Variants in AHSA1 observed in about 807,000 individuals in gnomAD.
AHSA1 encodes the protein activator of 90 kDa heat shock protein ATPase homolog 1.
Under a neutral mutation model 46.1 loss-of-function variants are expected in AHSA1, and 14 were observed. The ratio of observed to expected loss-of-function variants is 0.30; its 90% CI spans 0.20 to 0.47. AHSA1 has a LOEUF of 0.47. Among genes scored for constraint, AHSA1 ranks in the 20% least tolerant of loss-of-function variants. The pLI, the probability that AHSA1 is intolerant of heterozygous loss-of-function variation, is 0.99. For missense variants in AHSA1, 333 were observed against 415.9 expected (o/e 0.80, Z 1.73); for synonymous variants, 147 against 145.8 (o/e 1.01, Z -0.06).
At chr14:77,458,799 G>T (rs1394745341) in intron 1 of AHSA1, among the ~76,000 whole-genome samples, 1 of 152,218 alleles carries the variant, frequency 6.6e-6, no homozygotes, top group East Asian at 1.9e-4. Flanking sequence ...ATCAGGTCGG[G>T]TGTGTTGGAA....
chr14:77,459,716 G>A lies in AHSA1; in HGVS notation c.181G>A (p.Val61Met). 1 of 1,614,230 alleles carries A rather than the reference G, an allele frequency of 6.2e-7. No individual in the cohort carries two copies. The highest frequency in any genetic ancestry group is 8.5e-7 in the Non-Finnish European group (1 of 1,180,038). ...NEEGKCEVTE[V>M]SKLDGEASIN... Reference sequence around the variant, plus strand: ...AGAAGGCAAGTGTGAGGTGACGGAAGTGAGTAAGCTTGATGGAGAGGCATC... The same window carrying A: ...AGAAGGCAAGTGTGAGGTGACGGAAATGAGTAAGCTTGATGGAGAGGCATC... The change falls in exon 2 of 9, where the codon GTG (valine) becomes ATG (methionine). Residue 61 changes from valine (V) to methionine (M), a missense_variant. By Grantham distance (21) the Val-to-Met change is conservative (BLOSUM62 1). Coordinates refer to ENST00000216479, the MANE Select transcript of AHSA1 (RefSeq NM_012111.3).
chr14:77,460,611 G>C (rs1295285422), intron 2 of AHSA1, among the ~76,000 whole-genome samples: 1 of 149,728 alleles, frequency 6.7e-6, no homozygotes, highest in Non-Finnish European at 1.5e-5. Flanking sequence ...CGTCACCCAG[G>C]CTGGAGTGCA....
At chr14:77,468,302 T>A in intron 7 of AHSA1, 118 bp downstream of exon 7, 1 of 1,123,794 alleles carries the variant, frequency 8.9e-7, no homozygotes, top group Non-Finnish European at 1.3e-6. Context: ...TAATAAAACA[T>A]TTTGTTTTTC....
intron 6 of AHSA1, chr14:77,466,369 T>G (rs1420113242): frequency 1.3e-5 from 2 of 156,524 alleles, no homozygotes; most frequent in Non-Finnish European, 2.8e-5. Context: ...GAAGAATTCC[T>G]GGCTTCTTTG....
chr14:77,464,054 G>A (rs2079037588), intron 4 of AHSA1, among the ~76,000 whole-genome samples: 1 of 152,232 alleles, frequency 6.6e-6, no homozygotes, highest in South Asian at 2.1e-4. Context: ...ATGTTATAAT[G>A]TTTCCAGTTG....
chr14:77,465,435 G>A, intron 5 of AHSA1, 104 bp from the exon 6 acceptor site: 1 of 1,336,606 alleles, frequency 7.5e-7, no homozygotes, highest in Non-Finnish European at 1.0e-6. Context: ...ACCCTTGGAG[G>A]TGAACATTTT....
At chr14:77,458,440 G>T (rs1050671157) in intron 1 of AHSA1, among the ~76,000 whole-genome samples, 171 bp downstream of exon 1, 1 of 152,154 alleles carries the variant, frequency 6.6e-6, no homozygotes, top group Non-Finnish European at 1.5e-5. Context: ...TCCACTCCGC[G>T]GTCACCTTCT....
intron 1 of AHSA1, among the ~76,000 whole-genome samples, chr14:77,459,173 C>G (rs1003204456): frequency 6.6e-6 from 1 of 152,122 alleles, no homozygotes; most frequent in African/African-American, 2.4e-5. Flanking sequence ...AATGCAAGTG[C>G]GAATCTGATA....
At position 77,464,545 on chromosome 14, in the gene AHSA1, A is replaced by G. The variant is rs78303941; in HGVS notation, c.473-53A>G. 6.1e-4 allele frequency: 902 copies of G among 1,467,458 alleles called. 15 individuals are homozygous for G. In the East Asian group the frequency reaches 0.02, roughly 32 times the overall value. 90.9% of individuals were successfully genotyped at this position (1,467,458 alleles called of 1,614,324 possible). On this transcript the variant is annotated intron_variant, in intron 4 of 8. Transcript: ENST00000216479. Reference sequence around the variant, plus strand: ...GTTTGTCAAGCTGTAATGAAACTCCAGATCTCAGCTACTAAGAAGTAACTT... The same window carrying G: ...GTTTGTCAAGCTGTAATGAAACTCCGGATCTCAGCTACTAAGAAGTAACTT...
rs777606849 is a variant in AHSA1, at chr14:77,465,697, G to A, written c.690+30G>A. 8.1e-6 allele frequency: 13 copies of A among 1,610,160 alleles called. No homozygotes were observed. The Admixed American group carries it at 1.2e-4, about 14-fold the overall frequency. The stretch of plus-strand genomic sequence containing the variant: ...GTAAGTCTTGTCCTTCAGGCCTCAT[G>A]CCATCTGCCCTTCTAGGTGACTTGA... On this transcript the variant is annotated intron_variant, in intron 6 of 8. Transcript: ENST00000216479.
Position 77,465,598 on chromosome 14 carries a change from T to C in AHSA1, c.621T>C (p.Cys207=), listed in dbSNP as rs61755971. 1,310 of 1,614,068 alleles carry C rather than the reference T, an allele frequency of 8.1e-4. No individual in the cohort carries two copies. Among genetic ancestry groups the C allele is most frequent in the Non-Finnish European group, 1.1e-3 (1,260 of 1,179,892 alleles). The change falls in exon 6 of 9, where the codon TGT becomes TGC. Residue 207 remains cysteine (C), a synonymous_variant. Transcript: ENST00000216479. ...CTGTTGGAGTCAAAATCCCCACTTGTAAGATCACTCTTAAGGAAACCTTCC... is the reference window on the plus strand; with the variant it reads ...CTGTTGGAGTCAAAATCCCCACTTGCAAGATCACTCTTAAGGAAACCTTCC... ...ARPVGVKIPT[C]KITLKETFLT... is the part of the protein sequence containing the mutation.
intron 8 of AHSA1, chr14:77,468,741 T>TAAC: frequency 9.8e-5 from 45 of 457,126 alleles, no homozygotes; most frequent in Non-Finnish European, 1.3e-4. Flanking sequence ...TTTTTTTTTT[T>TAAC]TTTTACTTTT....
Position 77,464,650 on chromosome 14 carries a change from A to C in AHSA1, c.525A>C (p.Pro175=). Residue 175 remains proline (P), a synonymous_variant, in exon 5 of 9, where the codon CCA becomes CCC. Transcript: ENST00000216479. ...CAATGAATGGAGAGTCAGTAGACCC[A>C]GTGGGGCAGCCAGCACTGAAAACTG... The part of the protein sequence containing the change: ...LPTMNGESVD[P]VGQPALKTEE... The C allele has an allele frequency of 6.2e-7, 1 of 1,614,076 alleles. No homozygotes were observed. Among genetic ancestry groups the C allele is most frequent in the Non-Finnish European group, 8.5e-7 (1 of 1,180,014 alleles).
chr14:77,468,193 C>A lies in AHSA1; in HGVS notation c.792+9C>A. 6.5e-7 allele frequency: 1 copy of A among 1,535,654 alleles called. No individual in the cohort carries two copies. Among genetic ancestry groups the A allele is most frequent in the Non-Finnish European group, 8.8e-7 (1 of 1,132,450 alleles). On this transcript the variant is annotated intron_variant, in intron 7 of 8. Coordinates refer to ENST00000216479, the MANE Select transcript of AHSA1 (RefSeq NM_012111.3). ...GGGAATTTACTGATCTGGTGAGTAC[C>A]TGCCGGCCCTAGACTCAGGTTATTG...
At chr14:77,458,888 A>C (rs996604240) in intron 1 of AHSA1, among the ~76,000 whole-genome samples, 22 of 152,130 alleles carry the variant, frequency 1.4e-4, no homozygotes, top group Non-Finnish European at 5.9e-5. Context: ...AATCTTCCCA[A>C]AGTAATATTA....
intron 2 of AHSA1, among the ~76,000 whole-genome samples, chr14:77,461,184 C>A (rs1778047518): frequency 6.6e-6 from 1 of 151,844 alleles, no homozygotes; most frequent in Non-Finnish European, 1.5e-5. Context: ...TAGGTGAATA[C>A]TACAATAAAT....
chr14:77,468,186 T>C lies in AHSA1; in HGVS notation c.792+2T>C. On this transcript the variant is annotated splice_donor_variant, in intron 7 of 8. Transcript: ENST00000216479. LOFTEE classifies it high-confidence loss of function. ...GTCTCTGGGGAATTTACTGATCTGG[T>C]GAGTACCTGCCGGCCCTAGACTCAG... 6.5e-7 allele frequency: 1 copy of C among 1,549,652 alleles called. No individual in the cohort carries two copies. Among genetic ancestry groups the C allele is most frequent in the Non-Finnish European group, 8.7e-7 (1 of 1,143,344 alleles).
At chr14:77,463,856 C>A (rs962074371) in intron 4 of AHSA1, among the ~76,000 whole-genome samples, 1 of 152,186 alleles carries the variant, frequency 6.6e-6, no homozygotes, top group Non-Finnish European at 1.5e-5. Context: ...GTGATAGACA[C>A]CTTTTTGGGG....
At chr14:77,464,557 C>G (rs1203339038) in intron 4 of AHSA1, 41 bp from the exon 5 acceptor site, 1 of 1,550,688 alleles carries the variant, frequency 6.4e-7, no homozygotes, top group Non-Finnish European at 8.9e-7. Flanking sequence ...ATCTCAGCTA[C>G]TAAGAAGTAA....
Sources: allele counts gnomAD v4.1 joint callset (sites outside exome capture counted in the v4.1 genomes callset), GRCh38; gene constraint gnomAD v4.1.1; transcripts MANE v1.5; gene names NCBI Gene and HGNC (gene_info 2026-07-23, HGNC 2026-07-21).